VIL1: variants seen among roughly 807,000 people sequenced by gnomAD.
VIL1 encodes villin 1.
VIL1 carries 86 observed loss-of-function variants against 104.0 expected under a neutral mutation model. That is an observed-to-expected ratio of 0.83 (90% CI 0.69 to 0.99). The LOEUF is 0.99. Among genes scored for constraint, VIL1 ranks in the 50% least tolerant of loss-of-function variants. The pLI is 0.00. For synonymous variants in VIL1, 394 were observed against 412.6 expected, an observed-to-expected ratio of 0.95 and a Z score of 0.55; for missense variants, 944 against 1,054.1, an observed-to-expected ratio of 0.90 and a Z score of 1.45.
In VIL1 at chr2:218,451,335, A is replaced by G. The variant is rs1689471602; in HGVS notation, c.*1999A>G. 1 of 152,174 alleles carries G rather than the reference A, an allele frequency of 6.6e-6. No individual in the cohort carries two copies. Among genetic ancestry groups the G allele is most frequent in the South Asian group, 2.1e-4 (1 of 4,826 alleles). 9.4% of individuals were successfully genotyped at this position (152,174 alleles called of 1,614,324 possible). On this transcript the variant is annotated 3_prime_UTR_variant, in exon 20 of 20. Coordinates refer to ENST00000248444, the MANE Select transcript of VIL1 (RefSeq NM_007127.3). ...ATACAAAATCCATATGTACTTGGAGATCCAGCTGTTGCCCCCTGTTTAAAA... is the reference window on the plus strand; with the variant it reads ...ATACAAAATCCATATGTACTTGGAGGTCCAGCTGTTGCCCCCTGTTTAAAA...
intron 7 of VIL1, 31 bp downstream of exon 7, chr2:218,429,518 TG>T (rs974391384): frequency 5.0e-6 from 8 of 1,613,508 alleles, no homozygotes; most frequent in Non-Finnish European, 6.8e-6. Flanking sequence ...TCCTGGGTGC[TG>T]GGGACTCCCT....
chr2:218,432,933 A>T lies in VIL1; in HGVS notation c.1482A>T (p.Gly494=). The T allele has an allele frequency of 6.2e-7, 1 of 1,614,172 alleles. No homozygotes were observed. The change falls in exon 13 of 20, where the codon GGA becomes GGT. Residue 494 remains glycine (G), a synonymous_variant. Coordinates refer to ENST00000248444, the MANE Select transcript of VIL1 (RefSeq NM_007127.3). ...CTCATCTTATGTCCATCTTCAAGGG[A>T]CGCATGGTGGTCTACCAGGTGTGGC... is the stretch of plus-strand genomic sequence containing the variant. ...EPPHLMSIFK[G]RMVVYQGGTS... is the part of the protein sequence containing the mutation.
chr2:218,440,995 C>A, intron 19 of VIL1, 133 bp downstream of exon 19: 2 of 1,039,720 alleles, frequency 1.9e-6, no homozygotes, highest in Non-Finnish European at 2.8e-6. Flanking sequence ...TTCATGCCAC[C>A]TTATATCCCA....
chr2:218,438,574 C>G, intron 17 of VIL1, 84 bp from the exon 18 acceptor site: 1 of 1,354,526 alleles, frequency 7.4e-7, no homozygotes, highest in South Asian at 1.2e-5. Context: ...GACCAGCCTT[C>G]TTTTCATTCC....
intron 9 of VIL1, 73 bp downstream of exon 9, chr2:218,430,020 G>A: frequency 7.3e-7 from 1 of 1,377,334 alleles, no homozygotes; most frequent in Non-Finnish European, 1.0e-6. Flanking sequence ...TAGCAGCATG[G>A]GGTGGGCAGG....
chr2:218,435,924 C>T (rs867246720), intron 15 of VIL1, among the ~76,000 whole-genome samples: 3 of 152,178 alleles, frequency 2.0e-5, no homozygotes, highest in Admixed American at 6.5e-5. Context: ...CCTCTGCCTC[C>T]GCCTCCCAGG....
intron 18 of VIL1, among the ~76,000 whole-genome samples, chr2:218,439,320 C>T (rs1332109466): frequency 6.6e-6 from 1 of 152,138 alleles, no homozygotes; most frequent in Non-Finnish European, 1.5e-5. Context: ...TCCAAGGCCC[C>T]ATTCCCAAAT....
At chr2:218,445,642 C>G (rs950979874) in intron 19 of VIL1, among the ~76,000 whole-genome samples, 3 of 151,840 alleles carry the variant, frequency 2.0e-5, no homozygotes, top group African/African-American at 7.3e-5. Context: ...ATAAAATGTT[C>G]CCTAGGGCAA....
intron 3 of VIL1, 101 bp downstream of exon 3, chr2:218,424,452 C>A: frequency 8.0e-7 from 1 of 1,245,786 alleles, no homozygotes; most frequent in Non-Finnish European, 1.2e-6. Flanking sequence ...GGCCTGGCTT[C>A]ACCCCAAGAC....
intron 14 of VIL1, among the ~76,000 whole-genome samples, chr2:218,434,938 T>C (rs139321147): frequency 6.6e-5 from 10 of 152,382 alleles, no homozygotes; most frequent in African/African-American, 2.2e-4. Context: ...TCAGTCTCTC[T>C]TGTTCTGTTT....
At position 218,429,373 on chromosome 2, in the gene VIL1, C is replaced by A. The variant is rs1689055422; in HGVS notation, c.656C>A (p.Ser219Tyr). ...GTGGACGGAGAGAATGAATTGGCAT[C>A]CCCGAAGCTGATGGAGGTGATGAAC... ...GVVDGENELASPKLMEVMNHV... is the reference protein window; with the variant it reads ...GVVDGENELAYPKLMEVMNHV... The change falls in exon 7 of 20, where the codon TCC becomes TAC. Residue 219 changes from serine (S) to tyrosine (Y), a missense_variant. Coordinates refer to ENST00000248444, the MANE Select transcript of VIL1 (RefSeq NM_007127.3). The A allele has an allele frequency of 1.9e-6, 3 of 1,614,002 alleles. No homozygotes were observed. The highest frequency in any genetic ancestry group is 2.5e-6 in the Non-Finnish European group (3 of 1,180,036).
Position 218,436,443 on chromosome 2 carries a change from C to G in VIL1, c.1827-39C>G, listed in dbSNP as rs1278641397. 1.9e-6 allele frequency: 3 copies of G among 1,597,360 alleles called. No homozygotes were observed. In the African/African-American group the frequency reaches 4.0e-5, roughly 21 times the overall value. On this transcript the variant is annotated intron_variant, in intron 15 of 19. Coordinates refer to ENST00000248444, the MANE Select transcript of VIL1 (RefSeq NM_007127.3). ...TGTCCTCAATTCTCCTTTTGCCACACCTTCCTTCTGCCAGTACAATCTTCT... is the reference window on the plus strand; with the variant it reads ...TGTCCTCAATTCTCCTTTTGCCACAGCTTCCTTCTGCCAGTACAATCTTCT...
rs1211328973 is a variant in VIL1, at chr2:218,438,660, C to T, written c.2163C>T (p.Asn721=). ...TCTGTTATTTACTTTATGTGCAGAA[C>T]ACCAAATCCTATGAGGACCTGAAGG... The part of the protein sequence containing the change: ...FLAWDPFKWS[N]TKSYEDLKAE... The change falls in exon 18 of 20, where the codon AAC becomes AAT. Residue 721 remains asparagine (N), a splice_region_variant and synonymous_variant. Coordinates refer to ENST00000248444, the MANE Select transcript of VIL1 (RefSeq NM_007127.3). 1.2e-6 allele frequency: 2 copies of T among 1,611,620 alleles called. No individual in the cohort carries two copies. The highest frequency in any genetic ancestry group is 1.3e-5 in the African/African-American group (1 of 74,908).
At chr2:218,429,226 G>A in intron 6 of VIL1, 59 bp from the exon 7 acceptor site, 1 of 1,557,982 alleles carries the variant, frequency 6.4e-7, no homozygotes, top group South Asian at 1.2e-5. Context: ...GGTGTAGGGT[G>A]GCAGACACTG....
At chr2:218,446,164 AC>A (rs1244487712) in intron 19 of VIL1, among the ~76,000 whole-genome samples, 1 of 152,156 alleles carries the variant, frequency 6.6e-6, no homozygotes, top group African/African-American at 2.4e-5. Flanking sequence ...TCTAAGCAAA[AC>A]CTGCTCCTAC....
chr2:218,425,609 C>T lies in VIL1; in HGVS notation c.151-6C>T, dbSNP rs1386738577. On this transcript the variant is annotated splice_polypyrimidine_tract_variant and splice_region_variant and intron_variant, in intron 3 of 19. Coordinates refer to ENST00000248444, the MANE Select transcript of VIL1 (RefSeq NM_007127.3). ...GTCTCGGGTACACTGGACACCTTTT[C>T]CCTAGATCCACAAGACAGCCAGCAG... 3.1e-6 allele frequency: 5 copies of T among 1,613,876 alleles called. No homozygotes were observed. Among genetic ancestry groups the T allele is most frequent in the East Asian group, 4.5e-5 (2 of 44,884 alleles).
chr2:218,439,101 T>C (rs533180113), intron 18 of VIL1, among the ~76,000 whole-genome samples: 19 of 151,894 alleles, frequency 1.3e-4, no homozygotes, highest in African/African-American at 4.3e-4. Context: ...TGGCTAATTT[T>C]TGTATTTTTA....
In VIL1 at chr2:218,429,493, C is replaced by T. The variant is rs765333926; in HGVS notation, c.770+6C>T. The T allele has an allele frequency of 4.1e-5, 66 of 1,613,404 alleles. No individual in the cohort carries two copies. The Admixed American group carries it at 5.0e-4, about 12-fold the overall frequency. On this transcript the variant is annotated splice_donor_region_variant and intron_variant, in intron 7 of 19. Transcript: ENST00000248444. ...GCTGCACTCAAACTGTACCAGTGAG[C>T]GCCCAGCGGGGTCTTCCTGGGTGCT...
chr2:218,441,431 T>TA (rs1478874931), intron 19 of VIL1, among the ~76,000 whole-genome samples: 4 of 151,422 alleles, frequency 2.6e-5, no homozygotes, highest in African/African-American at 9.7e-5. Flanking sequence ...GAGCCTGATT[T>TA]AGAGATTTCT....
Sources: gnomAD v4.1 joint callset for allele counts (sites outside exome capture counted in the v4.1 genomes callset) on GRCh38, gnomAD v4.1.1 for gene constraint, MANE v1.5 for transcripts, NCBI Gene and HGNC (gene_info 2026-07-23, HGNC 2026-07-21) for gene names.